Variants in SCTR observed in about 807,000 individuals in gnomAD.
SCTR encodes pancreatic secretin receptor.
A neutral mutation model predicts 60.8 loss-of-function variants in SCTR; 56 were observed. The ratio of observed to expected loss-of-function variants is 0.92; its 90% CI spans 0.74 to 1.15. The LOEUF (loss-of-function observed/expected upper bound fraction) is 1.15. Ranked by LOEUF, SCTR falls within the 50% of genes most tolerant of loss-of-function variation. The probability of loss-of-function intolerance (pLI) is 0.00; values close to 1 mark genes in which losing one functional copy is unlikely to be tolerated. For missense variants in SCTR, 562 were observed against 550.4 expected, an observed-to-expected ratio of 1.02 and a Z score of -0.21; for synonymous variants, 202 against 217.0, an observed-to-expected ratio of 0.93 and a Z score of 0.61.
intron 1 of SCTR, among the ~76,000 whole-genome samples, chr2:119,508,350 T>TTTTC (rs908277626): frequency 1.3e-5 from 2 of 151,608 alleles, no homozygotes; most frequent in Non-Finnish European, 2.9e-5. Flanking sequence ...AAAATTTTCT[T>TTTTC]TTTCTTTCTT....
intron 1 of SCTR, among the ~76,000 whole-genome samples, chr2:119,495,768 C>G (rs892583268): frequency 6.6e-6 from 1 of 152,132 alleles, no homozygotes; most frequent in Non-Finnish European, 1.5e-5. Flanking sequence ...CACCAACTGA[C>G]CAAGGTTTAT....
chr2:119,493,125 G>A (rs1476826796), intron 2 of SCTR, among the ~76,000 whole-genome samples: 2 of 152,164 alleles, frequency 1.3e-5, no homozygotes, highest in African/African-American at 4.8e-5. Context: ...CCAAAGTGCT[G>A]GGATTACAGG....
intron 3 of SCTR, among the ~76,000 whole-genome samples, chr2:119,475,914 A>C (rs1677273653): frequency 6.6e-6 from 1 of 151,842 alleles, no homozygotes; most frequent in Non-Finnish European, 1.5e-5. Context: ...TGTGTTTTTT[A>C]ATAAGGAACT....
chr2:119,456,061 C>CTTTT (rs34764285), intron 7 of SCTR, among the ~76,000 whole-genome samples: 17 of 121,062 alleles, frequency 1.4e-4, no homozygotes, highest in African/African-American at 3.6e-4. Flanking sequence ...GATTTTTCAA[C>CTTTT]TTTTTTTTTT....
intron 1 of SCTR, among the ~76,000 whole-genome samples, chr2:119,515,991 A>G (rs375231325): frequency 6.6e-6 from 1 of 152,212 alleles, no homozygotes; most frequent in African/African-American, 2.4e-5. Flanking sequence ...ATCACCAATC[A>G]TGAAGGAAAT....
At chr2:119,474,422 C>T (rs75173856) in intron 3 of SCTR, among the ~76,000 whole-genome samples, 4 of 152,320 alleles carry the variant, frequency 2.6e-5, no homozygotes, top group African/African-American at 7.2e-5. Flanking sequence ...GGAAGGCCAC[C>T]GTGAGGAGTT....
rs1434284008 is a variant in SCTR at position 119,511,349 on chromosome 2, C to T, written c.72+12806G>A. On this transcript the variant is annotated intron_variant, in intron 1 of 12. Transcript: ENST00000019103. ...CATATACTTCTCTCCTCATATATTA[C>T]ATATACTAATCTTCATTTCATTTTT... 5.9e-5 allele frequency among the ~76,000 whole-genome samples: 9 copies of T among 152,266 alleles called. No individual in the cohort carries two copies. The East Asian group carries it at 1.5e-3, about 26-fold the overall frequency.
intron 2 of SCTR, among the ~76,000 whole-genome samples, chr2:119,482,208 ACGGTAGGGTGGGCCGGGC>A (rs1226124774): frequency 3.9e-5 from 6 of 151,974 alleles, no homozygotes; most frequent in African/African-American, 1.4e-4. Context: ...GGGGTAGGGA[ACGGTAGGGTGGGCCGGGC>A]CAGGGCCTGG....
intron 1 of SCTR, among the ~76,000 whole-genome samples, chr2:119,521,564 T>C (rs1265905294): frequency 6.6e-6 from 1 of 152,178 alleles, no homozygotes; most frequent in Non-Finnish European, 1.5e-5. Context: ...GTATTTCTTA[T>C]AGGGAGGCCT....
At chr2:119,489,918 C>T (rs1210046931) in intron 2 of SCTR, among the ~76,000 whole-genome samples, 6 of 152,172 alleles carry the variant, frequency 3.9e-5, no homozygotes, top group Admixed American at 6.5e-5. Context: ...TCCGTGTAAA[C>T]GAAAGTTCAC....
At chr2:119,495,339 A>G (rs1440696005) in intron 1 of SCTR, 2 of 152,282 alleles carry the variant, frequency 1.3e-5, no homozygotes, top group African/African-American at 2.4e-5. Context: ...AATCACACCT[A>G]GAACAGCGAC....
At chr2:119,505,444 C>T (rs901300112) in intron 1 of SCTR, among the ~76,000 whole-genome samples, 1 of 150,136 alleles carries the variant, frequency 6.7e-6, no homozygotes, top group Admixed American at 6.6e-5. Context: ...GCACGTTGTG[C>T]ACATGTACCC....
intron 1 of SCTR, among the ~76,000 whole-genome samples, chr2:119,496,517 C>T (rs910386413): frequency 6.6e-6 from 1 of 152,106 alleles, no homozygotes; most frequent in African/African-American, 2.4e-5. Flanking sequence ...CTACTAAGTG[C>T]AAATAAGATC....
At chr2:119,518,980 T>A (rs977030022) in intron 1 of SCTR, among the ~76,000 whole-genome samples, 1 of 152,138 alleles carries the variant, frequency 6.6e-6, no homozygotes, top group Admixed American at 6.5e-5. Flanking sequence ...TCCCCCTTTT[T>A]TTTTGAGACG....
chr2:119,472,224 T>C (rs1342388777), intron 4 of SCTR, among the ~76,000 whole-genome samples: 1 of 152,072 alleles, frequency 6.6e-6, no homozygotes, highest in Non-Finnish European at 1.5e-5. Flanking sequence ...TAGGTAATAG[T>C]TGGAGGCCAA....
chr2:119,518,365 G>GGGCCAT (rs1679177713), intron 1 of SCTR, among the ~76,000 whole-genome samples: 1 of 152,164 alleles, frequency 6.6e-6, no homozygotes, highest in African/African-American at 2.4e-5. Flanking sequence ...GAGGGAGGCG[G>GGGCCAT]GAGGTGAGAA....
chr2:119,446,688 G>C (rs1682940968), intron 11 of SCTR, 71 bp downstream of exon 11: 1 of 1,343,814 alleles, frequency 7.4e-7, no homozygotes, highest in Non-Finnish European at 9.7e-7. Context: ...CAGTCTCTAT[G>C]CCCTCCACTT....
At chr2:119,449,120 A>C (rs1383691390) in intron 9 of SCTR, among the ~76,000 whole-genome samples, 1 of 152,266 alleles carries the variant, frequency 6.6e-6, no homozygotes, top group Non-Finnish European at 1.5e-5. Context: ...GAGATTCTGC[A>C]TTTCTAACAA....
At chr2:119,496,480 G>A (rs985010925) in intron 1 of SCTR, among the ~76,000 whole-genome samples, 1 of 152,284 alleles carries the variant, frequency 6.6e-6, no homozygotes, top group East Asian at 1.9e-4. Flanking sequence ...CAGAAAAATG[G>A]GTTAGATGTA....
Sources: gnomAD v4.1 joint callset for allele counts (sites outside exome capture counted in the v4.1 genomes callset) on GRCh38, gnomAD v4.1.1 for gene constraint, MANE v1.5 for transcripts, NCBI Gene and HGNC (gene_info 2026-07-23, HGNC 2026-07-21) for gene names.